RAB11FIP4: variants seen among roughly 807,000 people sequenced by gnomAD.
RAB11FIP4 encodes the protein rab11 family-interacting protein 4.
In RAB11FIP4, 23 loss-of-function variants were observed where a neutral mutation model predicts 74.3. The ratio of observed to expected loss-of-function variants is 0.31; its 90% CI spans 0.22 to 0.44. RAB11FIP4 has a LOEUF of 0.44. Ranked by LOEUF, RAB11FIP4 falls within the 20% of genes least tolerant of loss-of-function variation. RAB11FIP4 has a pLI of 1.00. For missense variants in RAB11FIP4, 630 were observed against 863.9 expected, an observed-to-expected ratio of 0.73 and a Z score of 3.39; for synonymous variants, 360 against 359.9, an observed-to-expected ratio of 1.00 and a Z score of 0.00.
intron 1 of RAB11FIP4, among the ~76,000 whole-genome samples, chr17:31,414,650 C>T (rs1007361676): frequency 4.6e-5 from 7 of 152,166 alleles, no homozygotes; most frequent in African/African-American, 1.2e-4. Context: ...TCCCAGGAGG[C>T]GGTGGCCTGG....
At chr17:31,487,957 T>C in intron 3 of RAB11FIP4, 1 of 764,070 alleles carries the variant, frequency 1.3e-6, no homozygotes, top group Non-Finnish European at 1.6e-6. Flanking sequence ...GTCCCTGTCC[T>C]CCGCCCCCGC....
intron 3 of RAB11FIP4, among the ~76,000 whole-genome samples, chr17:31,447,625 C>T (rs1473639059): frequency 2.6e-5 from 4 of 152,044 alleles, no homozygotes; most frequent in East Asian, 3.9e-4. Flanking sequence ...CGGGTTCAAG[C>T]GATTCTCCTG....
chr17:31,462,714 G>T (rs545651053), intron 3 of RAB11FIP4, among the ~76,000 whole-genome samples: 1 of 152,198 alleles, frequency 6.6e-6, no homozygotes, highest in Non-Finnish European at 1.5e-5. Flanking sequence ...TTGGCTCACT[G>T]CAACCTCCGC....
intron 9 of RAB11FIP4, chr17:31,524,858 C>G (rs980394715): frequency 1.6e-6 from 1 of 607,198 alleles, no homozygotes. Flanking sequence ...CTGTGCTGCC[C>G]TGAGCGCCCC....
At chr17:31,461,915 G>C (rs1393332781) in intron 3 of RAB11FIP4, among the ~76,000 whole-genome samples, 2 of 152,104 alleles carry the variant, frequency 1.3e-5, no homozygotes, top group Non-Finnish European at 2.9e-5. Flanking sequence ...ACACACTTTT[G>C]TTGGTCACAG....
At chr17:31,465,539 C>G (rs1353856265) in intron 3 of RAB11FIP4, 1 of 150,412 alleles carries the variant, frequency 6.6e-6, no homozygotes, top group Non-Finnish European at 1.5e-5. Context: ...GAACCCCAGC[C>G]CCTGCTGGGC....
chr17:31,514,829 C>A (rs550477923), intron 3 of RAB11FIP4, among the ~76,000 whole-genome samples: 2 of 152,186 alleles, frequency 1.3e-5, no homozygotes, highest in African/African-American at 4.8e-5. Flanking sequence ...AGTGGATGGA[C>A]GTGGAAGTTG....
chr17:31,522,008 C>T lies in RAB11FIP4; in HGVS notation c.852C>T (p.Leu284=). ...CSQCCKKINL[L]NDLEARLKNL... ...AATGCTGCAAGAAAATCAACCTGCT[C>T]AATGACTTGGAAGCCCGACTGAAAA... The change falls in exon 6 of 15, where the codon CTC becomes CTT. Residue 284 remains leucine, a synonymous_variant. Transcript: ENST00000621161. 1 of 1,614,156 alleles carries T rather than the reference C, an allele frequency of 6.2e-7. No individual in the cohort carries two copies. The highest frequency in any genetic ancestry group is 8.5e-7 in the Non-Finnish European group (1 of 1,180,042).
At chr17:31,393,938 C>T (rs2070902663) in intron 1 of RAB11FIP4, among the ~76,000 whole-genome samples, 1 of 152,192 alleles carries the variant, frequency 6.6e-6, no homozygotes, top group Non-Finnish European at 1.5e-5. Flanking sequence ...AGACCTCACA[C>T]ATATGCACAC....
Position 31,431,772 on chromosome 17 carries a change from T to A in RAB11FIP4, c.160-41T>A, listed in dbSNP as rs775475976. 7 of 1,305,032 alleles carry A rather than the reference T, an allele frequency of 5.4e-6. No individual in the cohort carries two copies. The South Asian group carries it at 8.2e-5, about 15-fold the overall frequency. 80.8% of individuals were successfully genotyped at this position (1,305,032 alleles called of 1,614,324 possible). On this transcript the variant is annotated intron_variant, in intron 1 of 14. Coordinates refer to ENST00000621161, the MANE Select transcript of RAB11FIP4 (RefSeq NM_032932.6). ...CCCAGCTCCCTGAGTCTTCGGGAGA[T>A]CCTTGGGTGTCTCACACCTGTCCCT...
rs375700018 is a variant in RAB11FIP4 at position 31,467,152 on chromosome 17, G to A, written c.336+33030G>A. On this transcript the variant is annotated intron_variant, in intron 3 of 14. Transcript: ENST00000621161. Reference sequence around the variant, plus strand: ...TTTTGAGATGGAGTCTTGCTCTGTCGCCCAGGCTGGAGTGCAGTGGCATGA... The same window carrying A: ...TTTTGAGATGGAGTCTTGCTCTGTCACCCAGGCTGGAGTGCAGTGGCATGA... Among the ~76,000 whole-genome samples, 10 of 150,150 alleles carry A rather than the reference G, an allele frequency of 6.7e-5. No individual in the cohort carries two copies. In the East Asian group the frequency reaches 9.7e-4, roughly 15 times the overall value.
rs890996870 is a variant in RAB11FIP4 at position 31,535,104 on chromosome 17, A to G, written c.*3372A>G. On this transcript the variant is annotated 3_prime_UTR_variant, in exon 15 of 15. Coordinates refer to ENST00000621161, the MANE Select transcript of RAB11FIP4 (RefSeq NM_032932.6). ...AACTGTCACAGAGAAATTCCTTTTC[A>G]TGACTTTATTTCTGACCTATTAAAA... 3 of 152,300 alleles carry G rather than the reference A, an allele frequency of 2.0e-5. No homozygotes were observed. The highest frequency in any genetic ancestry group is 7.2e-5 in the African/African-American group (3 of 41,404). The allele number at this position is 152,300 out of a possible 1,614,324, so 9.4% of individuals were successfully genotyped here.
At chr17:31,462,821 AG>A (rs2071645830) in intron 3 of RAB11FIP4, among the ~76,000 whole-genome samples, 1 of 152,054 alleles carries the variant, frequency 6.6e-6, no homozygotes, top group Non-Finnish European at 1.5e-5. Flanking sequence ...ATTTTAGTGG[AG>A]ACGGAGTTTC....
intron 3 of RAB11FIP4, among the ~76,000 whole-genome samples, chr17:31,459,145 A>AC (rs1417777429): frequency 1.3e-5 from 2 of 151,378 alleles, no homozygotes; most frequent in African/African-American, 4.9e-5. Flanking sequence ...TATTGCCTAC[A>AC]CCCCCTGCCC....
chr17:31,394,903 G>A (rs1455680772), intron 1 of RAB11FIP4, among the ~76,000 whole-genome samples: 4 of 139,412 alleles, frequency 2.9e-5, no homozygotes, highest in East Asian at 2.1e-4. Context: ...TTAAAAAATC[G>A]GAGTGTTGTT....
chr17:31,420,411 T>A (rs1180726101), intron 1 of RAB11FIP4, among the ~76,000 whole-genome samples: 2 of 151,746 alleles, frequency 1.3e-5, no homozygotes, highest in African/African-American at 4.8e-5. Flanking sequence ...TTTTTAATCT[T>A]TTGTAGAGAT....
intron 10 of RAB11FIP4, 151 bp downstream of exon 10, chr17:31,525,381 TAC>T: frequency 2.8e-6 from 2 of 724,884 alleles, no homozygotes; most frequent in South Asian, 3.8e-5. Context: ...TCCACTTTAA[TAC>T]CACGAGAAAC....
chr17:31,517,347 T>TG (rs1392602144), intron 3 of RAB11FIP4, among the ~76,000 whole-genome samples: 1 of 151,940 alleles, frequency 6.6e-6, no homozygotes, highest in African/African-American at 2.4e-5. Flanking sequence ...TCTGCCTCAG[T>TG]GGGGGCTCTG....
At chr17:31,474,565 G>A (rs931780486) in intron 3 of RAB11FIP4, among the ~76,000 whole-genome samples, 15 of 151,864 alleles carry the variant, frequency 9.9e-5, no homozygotes, top group Non-Finnish European at 2.1e-4. Context: ...CAGCTACTCG[G>A]GGCTGAGGCA....
Sources: allele counts gnomAD v4.1 joint callset (sites outside exome capture counted in the v4.1 genomes callset), GRCh38; gene constraint gnomAD v4.1.1; transcripts MANE v1.5; gene names NCBI Gene and HGNC (gene_info 2026-07-23, HGNC 2026-07-21).